The following MYO10 variants were observed in gnomAD, a reference collection of about 807,000 sequenced individuals.
The protein encoded by MYO10 is myosin X, also known as unconventional myosin-X.
Under a neutral mutation model 257.3 loss-of-function variants are expected in MYO10, and 133 were observed. The ratio of observed to expected loss-of-function variants is 0.52; its 90% CI spans 0.45 to 0.60. MYO10 has a LOEUF of 0.60. Among genes scored for constraint, MYO10 ranks in the 20% least tolerant of loss-of-function variants. The pLI is 0.00. For missense variants in MYO10, 2,399 were observed against 2,635.7 expected, an observed-to-expected ratio of 0.91 and a Z score of 1.97; for synonymous variants, 1,104 against 1,028.6, an observed-to-expected ratio of 1.07 and a Z score of -1.40.
At chr5:16,680,892 G>C (rs2288435) in intron 32 of MYO10, among the ~76,000 whole-genome samples, 48,420 of 151,926 alleles carry the variant, frequency 0.32, 7,882 homozygotes, top group South Asian at 0.41. Flanking sequence ...CTACTCCTCG[G>C]GAGGCTGAGG....
chr5:16,906,462 A>G (rs923447121), intron 1 of MYO10, among the ~76,000 whole-genome samples: 3 of 152,142 alleles, frequency 2.0e-5, no homozygotes, highest in Non-Finnish European at 4.4e-5. Flanking sequence ...ATATTGCCAA[A>G]TGTCCCCTGG....
chr5:16,734,475 G>A (rs1739709793), intron 19 of MYO10, among the ~76,000 whole-genome samples: 1 of 152,024 alleles, frequency 6.6e-6, no homozygotes, highest in Non-Finnish European at 1.5e-5. Context: ...TTTGCTGGGA[G>A]AGCCACACAG....
intron 23 of MYO10, 57 bp downstream of exon 23, chr5:16,702,868 G>C (rs777150539): frequency 8.4e-5 from 122 of 1,453,902 alleles, no homozygotes; most frequent in Non-Finnish European, 1.1e-4. Context: ...GACAGATACC[G>C]AGCACAGCAC....
intron 2 of MYO10, among the ~76,000 whole-genome samples, chr5:16,847,877 A>AC (rs2126732796): frequency 6.6e-6 from 1 of 152,350 alleles, no homozygotes; most frequent in African/African-American, 2.4e-5. Context: ...AGTCTGGGCA[A>AC]CATAGCAAGA....
intron 8 of MYO10, 27 bp downstream of exon 8, chr5:16,780,497 A>C (rs1481666587): frequency 6.5e-7 from 1 of 1,526,732 alleles, no homozygotes; most frequent in Admixed American, 1.9e-5. Flanking sequence ...TTGCTAGTCC[A>C]CATTATCCAG....
intron 3 of MYO10, among the ~76,000 whole-genome samples, chr5:16,809,902 C>T (rs2126696258): frequency 6.6e-6 from 1 of 152,238 alleles, no homozygotes; most frequent in East Asian, 1.9e-4. Context: ...GCTGAAGTTC[C>T]CTGCAGCTCT....
chr5:16,757,742 G>T (rs539953698), intron 18 of MYO10, among the ~76,000 whole-genome samples: 4 of 152,254 alleles, frequency 2.6e-5, no homozygotes, highest in African/African-American at 7.2e-5. Flanking sequence ...ACAGCTCTCT[G>T]CAATCTTGAT....
chr5:16,783,486 A>G lies in MYO10; in HGVS notation c.468-17T>C, dbSNP rs192442934. ...CTTTCACCACTGAAAGACAAAACGG[A>G]AAAGTTTGTGCTTCTAACTATAATT... On this transcript the variant is annotated splice_polypyrimidine_tract_variant and intron_variant, in intron 4 of 40. Coordinates refer to ENST00000513610, the MANE Select transcript of MYO10 (RefSeq NM_012334.3). 7 of 1,604,024 alleles carry G rather than the reference A, an allele frequency of 4.4e-6. No homozygotes were observed. In the African/African-American group the frequency reaches 8.0e-5, roughly 18 times the overall value.
At position 16,895,554 on chromosome 5, in the gene MYO10, C is replaced by T. The variant is rs146132492; in HGVS notation, c.22-17847G>A. On this transcript the variant is annotated intron_variant, in intron 1 of 40. Transcript: ENST00000513610. ...CCTATCTCGTTCCCAGGAAGCCTCT[C>T]ACCTCCTGAGGACCAATGGTAAGAA... is the stretch of plus-strand genomic sequence containing the variant. 2.0e-3 allele frequency among the ~76,000 whole-genome samples: 305 copies of T among 152,224 alleles called. 2 individuals are homozygous for T. The Middle Eastern group carries it at 0.024, about 12-fold the overall frequency.
chr5:16,780,709 T>C lies in MYO10; in HGVS notation c.741+19A>G, dbSNP rs1157458206. ...TTGTTATTATGGAAGAAAATGTGGA[T>C]TAAATCACGTTTACTTACTTTTTCT... is the stretch of plus-strand genomic sequence containing the variant. On this transcript the variant is annotated intron_variant, in intron 7 of 40. Transcript: ENST00000513610. 1 of 1,567,250 alleles carries C rather than the reference T, an allele frequency of 6.4e-7. No homozygotes were observed.
intron 2 of MYO10, among the ~76,000 whole-genome samples, chr5:16,838,673 C>T (rs1476303892): frequency 6.6e-6 from 1 of 152,162 alleles, no homozygotes; most frequent in Non-Finnish European, 1.5e-5. Flanking sequence ...GACAAAACAG[C>T]CTCCTACTAG....
intron 2 of MYO10, among the ~76,000 whole-genome samples, chr5:16,847,835 A>G (rs1743682101): frequency 6.6e-6 from 1 of 152,160 alleles, no homozygotes; most frequent in South Asian, 2.1e-4. Context: ...GTAGTGCTTT[A>G]TAATTGCACC....
chr5:16,812,370 C>T (rs1369379420), intron 3 of MYO10, among the ~76,000 whole-genome samples: 1 of 152,200 alleles, frequency 6.6e-6, no homozygotes, highest in African/African-American at 2.4e-5. Context: ...GACCTATGGA[C>T]ACTGGCATCA....
At chr5:16,771,010 T>C (rs755577095) in intron 9 of MYO10, among the ~76,000 whole-genome samples, 1 of 152,160 alleles carries the variant, frequency 6.6e-6, no homozygotes, top group Non-Finnish European at 1.5e-5. Flanking sequence ...TCAAGTGATA[T>C]GCCCACCTTG....
intron 2 of MYO10, among the ~76,000 whole-genome samples, chr5:16,860,896 TTAGCACTTTCTAAGCCCAGCTTGCAAAA>T (rs1184957543): frequency 1.3e-5 from 2 of 152,150 alleles, no homozygotes; most frequent in African/African-American, 4.8e-5. Flanking sequence ...AAAGGCCTCG[TTAGCACTTTCTAAGCCCAGCTTGCAAAA>T]GTGTGCTTTC....
intron 9 of MYO10, among the ~76,000 whole-genome samples, chr5:16,774,431 T>A (rs1741153631): frequency 6.6e-6 from 1 of 152,184 alleles, no homozygotes; most frequent in Non-Finnish European, 1.5e-5. Context: ...TTTTTTAATT[T>A]ATTTTTTTGA....
rs31310 is a variant in MYO10 at position 16,692,678 on chromosome 5, T to A, written c.3800+1693A>T. ...TGAAACACTCTTGGCCATGGGTGGA[T>A]AGCCACCGAAAGCTCTGGAATAAGT... On this transcript the variant is annotated intron_variant, in intron 27 of 40. Coordinates refer to ENST00000513610, the MANE Select transcript of MYO10 (RefSeq NM_012334.3). Among the ~76,000 whole-genome samples the A allele has an allele frequency of 2.7e-4, 41 of 152,112 alleles. 2 individuals are homozygous for A. In the South Asian group the frequency reaches 5.4e-3, roughly 20 times the overall value.
intron 19 of MYO10, among the ~76,000 whole-genome samples, chr5:16,732,541 C>A (rs560829343): frequency 6.6e-6 from 1 of 152,270 alleles, no homozygotes; most frequent in Admixed American, 6.5e-5. Context: ...TCTGAAAAAT[C>A]ATGCTGAGAA....
At chr5:16,734,898 G>A (rs1000655973) in intron 19 of MYO10, among the ~76,000 whole-genome samples, 4 of 151,898 alleles carry the variant, frequency 2.6e-5, no homozygotes, top group African/African-American at 7.3e-5. Flanking sequence ...TGGTGTCTCC[G>A]TCCGTGCCAG....
Sources: gnomAD v4.1 joint callset for allele counts (sites outside exome capture counted in the v4.1 genomes callset) on GRCh38, gnomAD v4.1.1 for gene constraint, MANE v1.5 for transcripts, NCBI Gene and HGNC (gene_info 2026-07-23, HGNC 2026-07-21) for gene names.